FIP1L1: variants seen among roughly 807,000 people sequenced by gnomAD.
FIP1L1 encodes factor interacting with PAPOLA and CPSF1.
In FIP1L1, 21 loss-of-function variants were observed where a neutral mutation model predicts 84.6. The ratio of observed to expected loss-of-function variants is 0.25; its 90% confidence interval spans 0.18 to 0.36. FIP1L1 has a LOEUF of 0.36. Ranked by LOEUF, FIP1L1 falls within the 10% of genes least tolerant of loss-of-function variation. FIP1L1 has a pLI of 1.00. For synonymous variants in FIP1L1, 263 were observed against 242.3 expected (o/e 1.09, Z -0.80); for missense variants, 526 against 751.1 (o/e 0.70, Z 3.50).
rs547374988 is a variant in FIP1L1 at position 53,381,417 on chromosome 4, T to C, written c.171-861T>C. Among the ~76,000 whole-genome samples the C allele has an allele frequency of 9.2e-5, 14 of 152,332 alleles. No individual in the cohort carries two copies. The East Asian group carries it at 1.7e-3, about 19-fold the overall frequency. On this transcript the variant is annotated intron_variant, in intron 3 of 17. Coordinates refer to ENST00000337488, the MANE Select transcript of FIP1L1 (RefSeq NM_030917.4). ...CAAGTTTTGACTAAAGAAGGGATAC[T>C]GTTTTGTGACGTAGAAAGCAAATGG...
chr4:53,451,520 C>T (rs938365874), intron 15 of FIP1L1, among the ~76,000 whole-genome samples: 15 of 151,432 alleles, frequency 9.9e-5, no homozygotes, highest in African/African-American at 3.6e-4. Flanking sequence ...GAGTTTCTTT[C>T]TCACTGATTT....
chr4:53,408,134 GGTT>G (rs1481742965), intron 10 of FIP1L1, among the ~76,000 whole-genome samples: 1 of 152,126 alleles, frequency 6.6e-6, no homozygotes, highest in East Asian at 1.9e-4. Context: ...GGCTGGTACT[GGTT>G]GTTCCTTTCC....
At chr4:53,386,053 T>TTGG (rs1740881059) in intron 5 of FIP1L1, among the ~76,000 whole-genome samples, 1 of 151,232 alleles carries the variant, frequency 6.6e-6, no homozygotes, top group African/African-American at 2.4e-5. Context: ...TTTTTTTTTT[T>TTGG]GCGTAACATA....
intron 10 of FIP1L1, among the ~76,000 whole-genome samples, chr4:53,406,966 G>A (rs1753903822): frequency 6.6e-6 from 1 of 152,102 alleles, no homozygotes; most frequent in East Asian, 1.9e-4. Flanking sequence ...ACCAGCTGCT[G>A]GATTCATTGA....
chr4:53,452,466 G>A (rs1448922695), intron 15 of FIP1L1, among the ~76,000 whole-genome samples: 1 of 152,060 alleles, frequency 6.6e-6, no homozygotes, highest in Non-Finnish European at 1.5e-5. Flanking sequence ...TTACCGGCAT[G>A]CACCACCATG....
chr4:53,450,853 A>G (rs1450832881), intron 15 of FIP1L1, among the ~76,000 whole-genome samples: 3 of 152,194 alleles, frequency 2.0e-5, no homozygotes, highest in African/African-American at 7.2e-5. Flanking sequence ...TGGAAGTTTA[A>G]ATCTGTTCTG....
rs1406731370 is a variant in FIP1L1 at position 53,425,062 on chromosome 4, G to T, written c.924-810G>T. On this transcript the variant is annotated intron_variant, in intron 11 of 17. Transcript: ENST00000337488. ...TCTATAAAGTTTTAAAGGCAGTATT[G>T]TTCAGAACTGAAATATAGATGAAGA... 4.6e-5 allele frequency among the ~76,000 whole-genome samples: 7 copies of T among 152,070 alleles called. No individual in the cohort carries two copies. In the South Asian group the frequency reaches 1.4e-3, roughly 31 times the overall value.
intron 16 of FIP1L1, among the ~76,000 whole-genome samples, chr4:53,457,371 A>T (rs1204398211): frequency 6.6e-6 from 1 of 152,124 alleles, no homozygotes; most frequent in East Asian, 1.9e-4. Context: ...AAAAGTACAT[A>T]TTTATGGGTA....
chr4:53,425,971 G>A lies in FIP1L1; in HGVS notation c.1017+6G>A. On this transcript the variant is annotated splice_donor_region_variant and intron_variant, in intron 12 of 17. Transcript: ENST00000337488. ...ATGAGAACAGCAACATACAGGTTTAGTATTTTAAAATAAATAATTTTCTTT... is the reference window on the plus strand; with the variant it reads ...ATGAGAACAGCAACATACAGGTTTAATATTTTAAAATAAATAATTTTCTTT... 6.3e-7 allele frequency: 1 copy of A among 1,589,486 alleles called. No homozygotes were observed. Among genetic ancestry groups the A allele is most frequent in the Admixed American group, 1.7e-5 (1 of 58,014 alleles).
intron 11 of FIP1L1, among the ~76,000 whole-genome samples, chr4:53,416,265 A>G (rs1244485978): frequency 2.0e-5 from 3 of 152,242 alleles, no homozygotes; most frequent in Admixed American, 2.0e-4. Context: ...TAAAAGGGCC[A>G]GACAACAAGA....
intron 11 of FIP1L1, among the ~76,000 whole-genome samples, chr4:53,417,761 ACACTCTCTCTCTCT>A (rs1475896165): frequency 1.5e-3 from 34 of 22,490 alleles, no homozygotes; most frequent in Admixed American, 2.1e-3. Context: ...ACACACACAC[ACACTCTCTCTCTCT>A]CTCTCTCTCT....
At chr4:53,417,751 A>ACC in intron 11 of FIP1L1, among the ~76,000 whole-genome samples, 1 of 35,338 alleles carries the variant, frequency 2.8e-5, no homozygotes, top group Admixed American at 3.6e-4. Flanking sequence ...ACACACACAC[A>ACC]CACACACACA....
intron 15 of FIP1L1, among the ~76,000 whole-genome samples, chr4:53,449,759 T>C (rs1207956813): frequency 2.0e-5 from 3 of 152,184 alleles, no homozygotes; most frequent in African/African-American, 7.2e-5. Context: ...TTTAAATTAC[T>C]GATTTAATGT....
intron 16 of FIP1L1, among the ~76,000 whole-genome samples, chr4:53,455,126 T>G (rs1226721092): frequency 6.6e-6 from 1 of 152,204 alleles, no homozygotes; most frequent in Non-Finnish European, 1.5e-5. Flanking sequence ...TTGCTCTGGA[T>G]TAGGCTTTGG....
chr4:53,421,612 C>A (rs1762461733), intron 11 of FIP1L1, among the ~76,000 whole-genome samples: 1 of 152,140 alleles, frequency 6.6e-6, no homozygotes, highest in East Asian at 1.9e-4. Context: ...TATGAGATAG[C>A]CACATTCTAG....
chr4:53,382,386 C>T (rs764648831), intron 4 of FIP1L1, 51 bp downstream of exon 4: 4 of 1,437,712 alleles, frequency 2.8e-6, no homozygotes, highest in Non-Finnish European at 3.9e-6. Context: ...TTATCAATAG[C>T]TTCACAGTTT....
At chr4:53,390,988 A>T (rs1042494373) in intron 7 of FIP1L1, 21 bp from the exon 8 acceptor site, 15 of 1,563,890 alleles carry the variant, frequency 9.6e-6, no homozygotes, top group Middle Eastern at 1.9e-4. Flanking sequence ...TTTGTACACT[A>T]AAGTTGTGTT....
At chr4:53,409,986 C>T (rs575904180) in intron 10 of FIP1L1, among the ~76,000 whole-genome samples, 5 of 152,344 alleles carry the variant, frequency 3.3e-5, no homozygotes, top group East Asian at 1.9e-4. Context: ...GCCCATGGTG[C>T]GCTGCACCCA....
At chr4:53,456,211 G>T (rs1330918621) in intron 16 of FIP1L1, among the ~76,000 whole-genome samples, 5 of 152,076 alleles carry the variant, frequency 3.3e-5, no homozygotes, top group Non-Finnish European at 7.4e-5. Context: ...AAATTGCTTT[G>T]CCAAGCAGGA....
Sources: gnomAD v4.1 joint callset for allele counts (sites outside exome capture counted in the v4.1 genomes callset) on GRCh38, gnomAD v4.1.1 for gene constraint, MANE v1.5 for transcripts, NCBI Gene and HGNC (gene_info 2026-07-23, HGNC 2026-07-21) for gene names.